Variants in PSD3 observed in about 807,000 individuals in gnomAD.
PSD3 encodes pleckstrin and Sec7 domain containing 3.
A neutral mutation model predicts 105.5 loss-of-function variants in PSD3; 49 were observed. That is an observed-to-expected ratio of 0.46 (90% CI 0.37 to 0.59). The LOEUF (loss-of-function observed/expected upper bound fraction) is 0.59, where lower values mean the gene tolerates loss of function less well. PSD3 is among the 20% of genes least tolerant of loss of function. PSD3 has a pLI of 0.00. For missense variants in PSD3, 1,561 were observed against 1,263.8 expected (o/e 1.24, Z -3.57); for synonymous variants, 557 against 457.8 (o/e 1.22, Z -2.77).
intron 1 of PSD3, among the ~76,000 whole-genome samples, chr8:18,941,156 T>C (rs765332416): frequency 6.6e-6 from 1 of 152,218 alleles, no homozygotes; most frequent in Non-Finnish European, 1.5e-5. Flanking sequence ...ATAAAATATA[T>C]TCTTTTGCTT....
In PSD3 at chr8:18,556,199, T is replaced by C. The variant is rs1801062121; in HGVS notation, c.2928+10A>G. Reference sequence around the variant, plus strand: ...AAATCAGCATTTACTAACATTTGGGTGCAACACACCTCAAACTCCAGATAG... The same window carrying C: ...AAATCAGCATTTACTAACATTTGGGCGCAACACACCTCAAACTCCAGATAG... On this transcript the variant is annotated intron_variant, in intron 15 of 15. Coordinates refer to ENST00000327040, the MANE Select transcript of PSD3 (RefSeq NM_015310.4). 6.2e-7 allele frequency: 1 copy of C among 1,613,220 alleles called. No homozygotes were observed. The highest frequency in any genetic ancestry group is 8.5e-7 in the Non-Finnish European group (1 of 1,179,660).
At chr8:18,811,340 T>G (rs1434126115) in intron 4 of PSD3, among the ~76,000 whole-genome samples, 2 of 152,236 alleles carry the variant, frequency 1.3e-5, no homozygotes, top group Non-Finnish European at 2.9e-5. Context: ...CTGGTATGTC[T>G]GTCTTCAATG....
chr8:18,793,948 C>CATTAAATTT (rs1809992597), intron 8 of PSD3, among the ~76,000 whole-genome samples: 1 of 99,536 alleles, frequency 1.0e-5, no homozygotes, highest in African/African-American at 3.1e-5. Context: ...CAATATGAAG[C>CATTAAATTT]TGTGGGGAAA....
chr8:19,065,310 C>T lies in PSD3; in HGVS notation c.324+18896G>A, dbSNP rs371970835. ...GTGTGGTGGGAAGTTTCTCCTCTTTCTCTCCATCACCAAGTAAACAATCAG... is the reference window on the plus strand; with the variant it reads ...GTGTGGTGGGAAGTTTCTCCTCTTTTTCTCCATCACCAAGTAAACAATCAG... On this transcript the variant is annotated intron_variant, in intron 1 of 1. Transcript: ENST00000521475. Among the ~76,000 whole-genome samples, 29 of 152,290 alleles carry T rather than the reference C, an allele frequency of 1.9e-4. 1 individual carries two copies. In the South Asian group the frequency reaches 5.2e-3, roughly 27 times the overall value.
At chr8:18,976,520 AG>A (rs943617416) in intron 1 of PSD3, among the ~76,000 whole-genome samples, 2 of 152,208 alleles carry the variant, frequency 1.3e-5, no homozygotes, top group African/African-American at 2.4e-5. Flanking sequence ...TGTAGTTAGC[AG>A]TAGCCAAGTT....
intron 4 of PSD3, among the ~76,000 whole-genome samples, chr8:18,824,868 C>T (rs1413234515): frequency 6.6e-6 from 1 of 152,166 alleles, no homozygotes; most frequent in Non-Finnish European, 1.5e-5. Context: ...CAGCATCATC[C>T]TTTTAGTCAA....
At chr8:18,797,151 A>G (rs1226051816) in intron 8 of PSD3, among the ~76,000 whole-genome samples, 1 of 152,182 alleles carries the variant, frequency 6.6e-6, no homozygotes, top group East Asian at 1.9e-4. Flanking sequence ...GATAGCTACT[A>G]TATATTCAAC....
At chr8:18,915,593 A>G (rs1820529593) in intron 2 of PSD3, among the ~76,000 whole-genome samples, 2 of 152,224 alleles carry the variant, frequency 1.3e-5, no homozygotes, top group Admixed American at 6.5e-5. Flanking sequence ...TCAAAAGAAG[A>G]CATACAAATG....
intron 1 of PSD3, among the ~76,000 whole-genome samples, chr8:18,974,664 C>A (rs1242254244): frequency 1.3e-5 from 2 of 148,538 alleles, no homozygotes; most frequent in African/African-American, 4.9e-5. Context: ...CAATATAACA[C>A]ATCAAGTCAA....
intron 10 of PSD3, among the ~76,000 whole-genome samples, chr8:18,649,521 C>T (rs931520565): frequency 6.6e-6 from 1 of 152,056 alleles, no homozygotes; most frequent in Non-Finnish European, 1.5e-5. Flanking sequence ...GGCTCATAGG[C>T]ACAAGGGACT....
At chr8:19,002,828 A>G (rs1223264082) in intron 1 of PSD3, among the ~76,000 whole-genome samples, 1 of 152,076 alleles carries the variant, frequency 6.6e-6, no homozygotes, top group Non-Finnish European at 1.5e-5. Context: ...ACAGAGAGCT[A>G]AGTGTATTAG....
At chr8:18,559,425 C>G (rs897287887) in intron 14 of PSD3, among the ~76,000 whole-genome samples, 1 of 151,924 alleles carries the variant, frequency 6.6e-6, no homozygotes, top group Non-Finnish European at 1.5e-5. Flanking sequence ...GATTACTGGA[C>G]CCATTTTTCT....
chr8:18,648,181 G>C (rs1808196753), intron 10 of PSD3, among the ~76,000 whole-genome samples: 1 of 152,216 alleles, frequency 6.6e-6, no homozygotes. Context: ...GTAATGGGCA[G>C]AGGTTGGAAG....
intron 1 of PSD3, among the ~76,000 whole-genome samples, chr8:19,042,055 T>C (rs1441828536): frequency 6.6e-6 from 1 of 152,204 alleles, no homozygotes; most frequent in African/African-American, 2.4e-5. Context: ...TTTATCTTTA[T>C]TAAAATTGTT....
intron 4 of PSD3, among the ~76,000 whole-genome samples, chr8:18,830,508 A>T (rs1813597702): frequency 6.6e-6 from 1 of 152,222 alleles, no homozygotes; most frequent in African/African-American, 2.4e-5. Context: ...ACACAGGCAC[A>T]ATGCAACTTG....
At chr8:18,634,228 G>A (rs1807097149) in intron 10 of PSD3, among the ~76,000 whole-genome samples, 1 of 152,004 alleles carries the variant, frequency 6.6e-6, no homozygotes, top group African/African-American at 2.4e-5. Flanking sequence ...AACCAGAAGT[G>A]TTTGATAATG....
chr8:18,653,550 A>G (rs148828897), intron 10 of PSD3, among the ~76,000 whole-genome samples: 1 of 152,158 alleles, frequency 6.6e-6, no homozygotes, highest in Non-Finnish European at 1.5e-5. Context: ...TTGGTCAGTG[A>G]ACCAGCTACT....
intron 1 of PSD3, among the ~76,000 whole-genome samples, chr8:19,046,603 C>T (rs73666801): frequency 0.011 from 1,703 of 152,278 alleles, 37 homozygotes; most frequent in African/African-American, 0.039. Flanking sequence ...TTTCTTTCTG[C>T]CTTTTGAAAT....
chr8:18,924,866 A>T (rs886524161), intron 2 of PSD3: 1 of 152,222 alleles, frequency 6.6e-6, no homozygotes, highest in Non-Finnish European at 1.5e-5. Flanking sequence ...TAAGAGTTAC[A>T]ACTATAAAAC....
Sources: gnomAD v4.1 joint callset for allele counts (sites outside exome capture counted in the v4.1 genomes callset) on GRCh38, gnomAD v4.1.1 for gene constraint, MANE v1.5 for transcripts, NCBI Gene and HGNC (gene_info 2026-07-23, HGNC 2026-07-21) for gene names.